The following CNTNAP3 variants were observed in gnomAD, a reference collection of about 807,000 sequenced individuals.
CNTNAP3 encodes the protein contactin-associated protein-like 3.
CNTNAP3 carries 36 observed loss-of-function variants against 92.1 expected under a neutral mutation model. The observed-to-expected ratio is 0.39, with a 90% CI of 0.30 to 0.52. The LOEUF (loss-of-function observed/expected upper bound fraction) is 0.52, where lower values mean the gene tolerates loss of function less well. CNTNAP3 is among the 20% of genes least tolerant of loss of function. CNTNAP3 has a pLI of 0.76. For synonymous variants in CNTNAP3, 232 were observed against 422.3 expected, an observed-to-expected ratio of 0.55 and a Z score of 5.53; for missense variants, 534 against 1,069.6, an observed-to-expected ratio of 0.50 and a Z score of 6.98.
At chr9:39,124,836 A>T (rs1054320006) in intron 13 of CNTNAP3, among the ~76,000 whole-genome samples, 5 of 152,176 alleles carry the variant, frequency 3.3e-5, no homozygotes, top group Non-Finnish European at 7.3e-5. Context: ...TAGAATGATG[A>T]TCATTAAAAA....
intron 13 of CNTNAP3, among the ~76,000 whole-genome samples, chr9:39,130,370 GA>G (rs1821251122): frequency 6.6e-6 from 1 of 150,612 alleles, no homozygotes; most frequent in South Asian, 2.1e-4. Context: ...TACACAGAGT[GA>G]AAAAAACTCA....
At chr9:39,144,518 A>G (rs1821654380) in intron 10 of CNTNAP3, among the ~76,000 whole-genome samples, 172 bp from the exon 11 acceptor site, 1 of 151,808 alleles carries the variant, frequency 6.6e-6, no homozygotes, top group African/African-American at 2.4e-5. Context: ...AATTATATTG[A>G]CAAACTTTAG....
At chr9:39,089,375 T>A (rs894643393) in intron 18 of CNTNAP3, among the ~76,000 whole-genome samples, 2 of 152,274 alleles carry the variant, frequency 1.3e-5, no homozygotes, top group African/African-American at 4.8e-5. Flanking sequence ...TCTTGTAGCA[T>A]GTATCAGTAT....
chr9:39,092,705 G>A (rs1047594626), intron 18 of CNTNAP3, among the ~76,000 whole-genome samples: 2 of 135,824 alleles, frequency 1.5e-5, no homozygotes, highest in African/African-American at 5.4e-5. Context: ...ATTGTTAAGT[G>A]GTGTGTTCTA....
chr9:39,179,286 T>TACACACAC (rs4057871), intron 4 of CNTNAP3, among the ~76,000 whole-genome samples: 5,588 of 80,692 alleles, frequency 0.069, 431 homozygotes, highest in East Asian at 0.089. Flanking sequence ...TCTCTCTCTC[T>TACACACAC]ACACACACAC....
Position 39,252,907 on chromosome 9 carries a change from GCA to G in CNTNAP3, c.197-13723_197-13722del, listed in dbSNP as rs1468665145. Among the ~76,000 whole-genome samples the G allele has an allele frequency of 2.3e-4, 2 of 8,616 alleles. 1 individual carries two copies. The highest frequency in any genetic ancestry group is 3.0e-4 in the African/African-American group (2 of 6,732). The allele number at this position is 8,616 out of a possible 152,430, so 5.7% of individuals were successfully genotyped here. On this transcript the variant is annotated intron_variant, in intron 2 of 23. Transcript: ENST00000297668. ...TACTGACATATATGTGTGCTTATAT[GCA>G]CACACACTGACCATGTATGTACTGA...
chr9:39,110,163 G>A (rs1158711473), intron 14 of CNTNAP3, among the ~76,000 whole-genome samples: 1 of 152,152 alleles, frequency 6.6e-6, no homozygotes, highest in Non-Finnish European at 1.5e-5. Context: ...TAGGAGACTG[G>A]GGTGGGCAGA....
Position 39,091,162 on chromosome 9 carries a change from TTTC to T in CNTNAP3, c.2996-2518_2996-2516del, listed in dbSNP as rs1021722862. ...TTATTTCCTTTCTAATTTGGATGTT[TTTC>T]TTCTTCTTTTTTTTTTTTTTTCATT... On this transcript the variant is annotated intron_variant, in intron 18 of 23. Transcript: ENST00000297668. Among the ~76,000 whole-genome samples the T allele has an allele frequency of 9.2e-4, 137 of 148,872 alleles. No individual in the cohort carries two copies. In the East Asian group the frequency reaches 1.0e-2, roughly 11 times the overall value.
At position 39,096,622 on chromosome 9, in the gene CNTNAP3, C is replaced by A. The variant is rs554984193; in HGVS notation, c.2995+3289G>T. ...ATAAATTATTGTTAACTATAGTCAT[C>A]CTGTGCTACTGAACATGAAAGACGG... On this transcript the variant is annotated intron_variant, in intron 18 of 23. Coordinates refer to ENST00000297668, the MANE Select transcript of CNTNAP3 (RefSeq NM_033655.5). Among the ~76,000 whole-genome samples, 869 of 150,444 alleles carry A rather than the reference C, an allele frequency of 5.8e-3. 6 individuals carry two copies. Among genetic ancestry groups the A allele is most frequent in the Non-Finnish European group, 7.7e-3 (521 of 67,562 alleles).
At chr9:39,107,491 T>C (rs1486410301) in intron 15 of CNTNAP3, among the ~76,000 whole-genome samples, 1 of 152,048 alleles carries the variant, frequency 6.6e-6, no homozygotes, top group Non-Finnish European at 1.5e-5. Flanking sequence ...TTTTACACTA[T>C]GGGAATAATA....
chr9:39,091,171 C>CTTTTTTTT (rs201329360), intron 18 of CNTNAP3, among the ~76,000 whole-genome samples: 163 of 128,088 alleles, frequency 1.3e-3, no homozygotes, highest in Non-Finnish European at 1.6e-3. Context: ...TTTTCTTCTT[C>CTTTTTTTT]TTTTTTTTTT....
Position 39,067,482 on chromosome 9 carries a change from C to T in CNTNAP3, c.*6408G>A, listed in dbSNP as rs1302361051. Reference sequence around the variant, plus strand: ...GCGCAATCTCGGCCCACTGCAAACTCTGCCTCCCGGGTTCATGCCATTCTC... The same window carrying T: ...GCGCAATCTCGGCCCACTGCAAACTTTGCCTCCCGGGTTCATGCCATTCTC... On this transcript the variant is annotated 3_prime_UTR_variant, in exon 24 of 24. Transcript: ENST00000297668. Among the ~76,000 whole-genome samples the T allele has an allele frequency of 8.7e-6, 1 of 115,488 alleles. No individual in the cohort carries two copies. The highest frequency in any genetic ancestry group is 2.2e-4 in the East Asian group (1 of 4,550). The allele number at this position is 115,488 out of a possible 152,430, so 75.8% of individuals were successfully genotyped here.
In CNTNAP3 at chr9:39,144,250, G is replaced by A. The variant is rs1252115709; in HGVS notation, c.1746C>T (p.Thr582=). The A allele has an allele frequency of 1.9e-6, 3 of 1,589,414 alleles. No homozygotes were observed. Among genetic ancestry groups the A allele is most frequent in the East Asian group, 4.6e-5 (2 of 43,870 alleles). The part of the protein sequence containing the change: ...DCLGTGYTGE[T]CHSSLYEQSC... ...AGGCGTGAGGCTTACAGGAATGGCA[G>A]GTCTCGCCCGTATAGCCTGTGCCTA... Residue 582 remains threonine, a synonymous_variant, in exon 11 of 24, where the codon ACC becomes ACT. Coordinates refer to ENST00000297668, the MANE Select transcript of CNTNAP3 (RefSeq NM_033655.5).
At chr9:39,206,575 G>A (rs1452635675) in intron 3 of CNTNAP3, among the ~76,000 whole-genome samples, 884 of 26,642 alleles carry the variant, frequency 0.033, 380 homozygotes, top group African/African-American at 0.064. Context: ...CAAGGAGCGC[G>A]CAGGCTGGGG....
intron 18 of CNTNAP3, among the ~76,000 whole-genome samples, chr9:39,095,709 A>G (rs1381387523): frequency 7.0e-6 from 1 of 142,148 alleles, no homozygotes; most frequent in African/African-American, 2.6e-5. Context: ...CTTTTAATAT[A>G]TTTCACGACA....
At chr9:39,101,882 G>T (rs1271744597) in intron 17 of CNTNAP3, among the ~76,000 whole-genome samples, 1 of 152,308 alleles carries the variant, frequency 6.6e-6, no homozygotes, top group Admixed American at 6.5e-5. Context: ...AAGTTTGGGG[G>T]TCGGCTATCC....
rs567397671 is a variant in CNTNAP3 at position 39,140,631 on chromosome 9, G to A, written c.1764C>T (p.Tyr588=). ...YTGETCHSSL[Y]EQSCEAHKHR... is the part of the protein sequence containing the mutation. Reference sequence around the variant, plus strand: ...GCTTGTGGGCTTCACAAGACTGCTCGTAGAGAGCTGTAGGAGAACACCAGC... The same window carrying A: ...GCTTGTGGGCTTCACAAGACTGCTCATAGAGAGCTGTAGGAGAACACCAGC... The change falls in exon 12 of 24, where the codon TAC becomes TAT. Residue 588 remains tyrosine, a synonymous_variant. Coordinates refer to ENST00000297668, the MANE Select transcript of CNTNAP3 (RefSeq NM_033655.5). 21 of 1,605,896 alleles carry A rather than the reference G, an allele frequency of 1.3e-5. No individual in the cohort carries two copies. Among genetic ancestry groups the A allele is most frequent in the Middle Eastern group, 3.3e-4 (2 of 5,998 alleles).
chr9:39,106,345 C>CA (rs1826606315), intron 15 of CNTNAP3: 1 of 152,104 alleles, frequency 6.6e-6, no homozygotes, highest in Non-Finnish European at 1.5e-5. Context: ...GGCTGGAGTG[C>CA]AGTGGCATGA....
rs375350254 is a variant in CNTNAP3 at position 39,067,628 on chromosome 9, C to A, written c.*6262G>T. Reference sequence around the variant, plus strand: ...TAGCAGGATGGTCTCCATCTCCCGACCTCGTGATCTGCCTGCCTCGACCTC... The same window carrying A: ...TAGCAGGATGGTCTCCATCTCCCGAACTCGTGATCTGCCTGCCTCGACCTC... On this transcript the variant is annotated 3_prime_UTR_variant, in exon 24 of 24. Coordinates refer to ENST00000297668, the MANE Select transcript of CNTNAP3 (RefSeq NM_033655.5). 2.0e-5 allele frequency among the ~76,000 whole-genome samples: 3 copies of A among 152,412 alleles called. No homozygotes were observed. Among genetic ancestry groups the A allele is most frequent in the Admixed American group, 1.3e-4 (2 of 15,310 alleles).
Sources: allele counts gnomAD v4.1 joint callset (sites outside exome capture counted in the v4.1 genomes callset), GRCh38; gene constraint gnomAD v4.1.1; transcripts MANE v1.5; gene names NCBI Gene and HGNC (gene_info 2026-07-23, HGNC 2026-07-21).